THBS2: variants seen among roughly 807,000 people sequenced by gnomAD.
THBS2 encodes the protein thrombospondin 2.
In THBS2, 47 loss-of-function variants were observed where a neutral mutation model predicts 135.2. That is an observed-to-expected ratio of 0.35 (90% CI 0.28 to 0.44). The LOEUF (loss-of-function observed/expected upper bound fraction) is 0.44. Among genes scored for constraint, THBS2 ranks in the 20% least tolerant of loss-of-function variants. The pLI, the probability that THBS2 is intolerant of heterozygous loss-of-function variation, is 1.00. For missense variants in THBS2, 1,288 were observed against 1,603.1 expected, an observed-to-expected ratio of 0.80 and a Z score of 3.36; for synonymous variants, 639 against 633.8, an observed-to-expected ratio of 1.01 and a Z score of -0.12.
chr6:169,224,113 G>GAATTAGC lies in THBS2; in HGVS notation c.2774-645_2774-639dup, dbSNP rs1029893074. Among the ~76,000 whole-genome samples, 5 of 144,992 alleles carry GAATTAGC rather than the reference G, an allele frequency of 3.4e-5. No individual in the cohort carries two copies. In the Admixed American group the frequency reaches 3.5e-4, roughly 10 times the overall value. On this transcript the variant is annotated intron_variant, in intron 17 of 21. Transcript: ENST00000617924. ...CCTGACAGGCAGATTGCAATGTACT[G>GAATTAGC]AATTAGCTATCACGTGGCCTGCCGT... is the stretch of plus-strand genomic sequence containing the variant.
intron 17 of THBS2, 130 bp from the exon 18 acceptor site, chr6:169,223,605 T>C: frequency 2.9e-6 from 2 of 700,042 alleles, no homozygotes; most frequent in East Asian, 5.3e-5. Flanking sequence ...TAAGACTGAG[T>C]GCTTTGCAGT....
rs1779893658 is a variant in THBS2 at position 169,232,787 on chromosome 6, G to A, written c.1809C>T (p.Ser603=). Reference sequence around the variant, plus strand: ...TGACACAGCGAGGCACCTTGCTGGTGGAGAAGCAGATGTCGGGGACCAGGG... The same window carrying A: ...TGACACAGCGAGGCACCTTGCTGGTAGAGAAGCAGATGTCGGGGACCAGGG... ...ECALVPDICF[S]TSKVPRCVNT... is the part of the protein sequence containing the mutation. The change falls in exon 12 of 22, where the codon TCC becomes TCT. Residue 603 remains serine, a synonymous_variant. Coordinates refer to ENST00000617924, the MANE Select transcript of THBS2 (RefSeq NM_003247.5). The A allele has an allele frequency of 1.2e-6, 2 of 1,613,966 alleles. No individual in the cohort carries two copies. The highest frequency in any genetic ancestry group is 1.7e-6 in the Non-Finnish European group (2 of 1,179,898).
At chr6:169,224,905 G>T (rs557780668) in intron 17 of THBS2, among the ~76,000 whole-genome samples, 2 of 152,084 alleles carry the variant, frequency 1.3e-5, no homozygotes, top group Non-Finnish European at 2.9e-5. Flanking sequence ...TCCTCCTCCC[G>T]ACGTGCACAC....
chr6:169,217,499 T>C lies in THBS2; in HGVS notation c.*323A>G. 1 of 362,642 alleles carries C rather than the reference T, an allele frequency of 2.8e-6. No homozygotes were observed. 22.5% of individuals were successfully genotyped at this position (362,642 alleles called of 1,614,324 possible). On this transcript the variant is annotated 3_prime_UTR_variant, in exon 22 of 22. Coordinates refer to ENST00000617924, the MANE Select transcript of THBS2 (RefSeq NM_003247.5). ...ACATAAATACAATAAGTAATTACAT[T>C]TTATATGTAAACGTCATTCTTTTTA...
intron 15 of THBS2, among the ~76,000 whole-genome samples, chr6:169,227,650 A>G (rs1367741251): frequency 6.6e-6 from 1 of 152,222 alleles, no homozygotes; most frequent in Non-Finnish European, 1.5e-5. Flanking sequence ...GGAAAAGGCA[A>G]GGCAGAATAA....
chr6:169,246,003 A>C, intron 4 of THBS2, 194 bp downstream of exon 4: 1 of 442,352 alleles, frequency 2.3e-6, no homozygotes, highest in Non-Finnish European at 4.1e-6. Flanking sequence ...TAATCAATTT[A>C]TTATTTTCAG....
chr6:169,226,067 C>G (rs1583406899), intron 16 of THBS2, 113 bp downstream of exon 16: 1 of 1,197,786 alleles, frequency 8.3e-7, no homozygotes, highest in Non-Finnish European at 1.2e-6. Context: ...CTGCCCTCAT[C>G]TGGTCAGGGT....
At chr6:169,227,326 T>C (rs6902940) in intron 15 of THBS2, among the ~76,000 whole-genome samples, 58,814 of 151,924 alleles carry the variant, frequency 0.39, 11,602 homozygotes, top group Middle Eastern at 0.44. Flanking sequence ...AGAGAAGGGA[T>C]GACCATGCGG....
At chr6:169,233,215 G>A (rs56414017) in intron 10 of THBS2, among the ~76,000 whole-genome samples, 198 bp from the exon 11 acceptor site, 17,361 of 152,088 alleles carry the variant, frequency 0.11, 1,192 homozygotes, top group Middle Eastern at 0.15. Context: ...ACAGTGCAGC[G>A]GGTTGCAGAA....
chr6:169,232,483 C>CT (rs1779877411), intron 12 of THBS2, among the ~76,000 whole-genome samples, 181 bp downstream of exon 12: 1 of 152,166 alleles, frequency 6.6e-6, no homozygotes, highest in African/African-American at 2.4e-5. Flanking sequence ...GAGCACGCCC[C>CT]GCACCCCGCG....
intron 2 of THBS2, among the ~76,000 whole-genome samples, chr6:169,250,262 G>A (rs764762746): frequency 2.0e-5 from 3 of 152,126 alleles, no homozygotes; most frequent in Non-Finnish European, 2.9e-5. Flanking sequence ...ATTTATCCAC[G>A]TCAATATTTT....
chr6:169,233,002 T>A lies in THBS2; in HGVS notation c.1667A>T (p.Asn556Ile). The A allele has an allele frequency of 6.5e-7, 1 of 1,542,838 alleles. No homozygotes were observed. Among genetic ancestry groups the A allele is most frequent in the Non-Finnish European group, 8.7e-7 (1 of 1,147,760 alleles). Residue 556 changes from asparagine (N) to isoleucine (I), a missense_variant, in exon 11 of 22, where the codon AAC (asparagine) becomes ATC (isoleucine). This residue lies in a region of THBS2 where 874 missense variants were observed against 1,156.1 expected (regional missense o/e 0.76). Transcript: ENST00000617924. ...GCACTGGGCTCCCGGGAAGCAGGGG[T>A]TGGATAAACAGCCATCTGGGTGGGA... The part of the protein sequence containing the change: ...RSCPVDGCLS[N>I]PCFPGAQCSS...
At chr6:169,236,585 T>TC (rs750625491) in intron 9 of THBS2, among the ~76,000 whole-genome samples, 2 of 112,190 alleles carry the variant, frequency 1.8e-5, no homozygotes, top group African/African-American at 3.4e-5. Flanking sequence ...CCACACTCAC[T>TC]CCCCATCCAC....
At position 169,248,901 on chromosome 6, in the gene THBS2, G is replaced by T; in HGVS notation, c.125C>A (p.Ala42Asp). The change falls in exon 3 of 22, where the codon GCC becomes GAC. Residue 42 changes from alanine (A) to aspartate (D), a missense_variant. This residue lies in a region of THBS2 where 414 missense variants were observed against 447.0 expected (regional missense o/e 0.93). Coordinates refer to ENST00000617924, the MANE Select transcript of THBS2 (RefSeq NM_003247.5). The part of the protein sequence containing the change: ...ISNINRKTIG[A>D]KQFRGPDPGV... ...GGGGTCGGGCCCGCGGAACTGCTTG[G>T]CGCCAATGGTCTTGCGGTTGATGTT... The T allele has an allele frequency of 6.2e-7, 1 of 1,613,630 alleles. No individual in the cohort carries two copies. The highest frequency in any genetic ancestry group is 8.5e-7 in the Non-Finnish European group (1 of 1,180,012).
Position 169,228,267 on chromosome 6 carries a change from G to A in THBS2, c.2274C>T (p.Leu758=), listed in dbSNP as rs1319754524. The change falls in exon 15 of 22, where the codon CTC becomes CTT. Residue 758 remains leucine, a synonymous_variant. Coordinates refer to ENST00000617924, the MANE Select transcript of THBS2 (RefSeq NM_003247.5). The part of the protein sequence containing the change: ...GVTDEKDNCQ[L]LFNPRQADYD... ...AGTCAGCCTGGCGGGGATTGAAGAGGAGCTGGCAGTTGTCCTGGAAAACCA... is the reference window on the plus strand; with the variant it reads ...AGTCAGCCTGGCGGGGATTGAAGAGAAGCTGGCAGTTGTCCTGGAAAACCA... The A allele has an allele frequency of 6.2e-7, 1 of 1,614,152 alleles. No individual in the cohort carries two copies. The highest frequency in any genetic ancestry group is 8.5e-7 in the Non-Finnish European group (1 of 1,180,022).
Position 169,246,220 on chromosome 6 carries a change from T to C in THBS2, c.671A>G (p.Lys224Arg), listed in dbSNP as rs200071327. 1.3e-4 allele frequency: 217 copies of C among 1,613,880 alleles called. No homozygotes were observed. Among genetic ancestry groups the C allele is most frequent in the Non-Finnish European group, 1.7e-4 (201 of 1,180,018 alleles). Reference sequence around the variant, plus strand: ...ACCTCCCTGGCCTTGCTGGCAACCCTTCTTGCTTAGAATATCTTCCACAGA... The same window carrying C: ...ACCTCCCTGGCCTTGCTGGCAACCCCTCTTGCTTAGAATATCTTCCACAGA... ...ENSVEDILSK[K>R]GCQQGQGAEI... The change falls in exon 4 of 22, where the codon AAG becomes AGG. Residue 224 changes from lysine (K) to arginine (R), a missense_variant. Physicochemically the swap from Lys to Arg is conservative, Grantham distance 26 (BLOSUM62 2). This residue lies in a region of THBS2 where 414 missense variants were observed against 447.0 expected (regional missense o/e 0.93). Coordinates refer to ENST00000617924, the MANE Select transcript of THBS2 (RefSeq NM_003247.5).
At chr6:169,237,434 C>T in intron 8 of THBS2, 88 bp from the exon 9 acceptor site, 2 of 1,535,866 alleles carry the variant, frequency 1.3e-6, no homozygotes, top group Non-Finnish European at 1.8e-6. Flanking sequence ...CGAGGAGCAT[C>T]TCACAGCTGC....
chr6:169,229,498 G>C, intron 14 of THBS2, 74 bp downstream of exon 14: 1 of 1,145,650 alleles, frequency 8.7e-7, no homozygotes, highest in Non-Finnish European at 1.3e-6. Context: ...AGGGCTGTTT[G>C]GTATAAAGTG....
chr6:169,226,120 A>G, intron 16 of THBS2, 60 bp downstream of exon 16: 12 of 1,501,394 alleles, frequency 8.0e-6, no homozygotes, highest in Non-Finnish European at 1.1e-5. Context: ...CCACACCGCC[A>G]CCGTCCCCGC....
Sources: allele counts gnomAD v4.1 joint callset (sites outside exome capture counted in the v4.1 genomes callset), GRCh38; gene constraint gnomAD v4.1.1; regional missense constraint gnomAD v4.1.1; transcripts MANE v1.5; gene names NCBI Gene and HGNC (gene_info 2026-07-23, HGNC 2026-07-21).